The following GFPT1 variants were observed in gnomAD, a reference collection of about 807,000 sequenced individuals.
GFPT1 encodes the protein glutamine--fructose-6-phosphate transaminase 1.
GFPT1 carries 40 observed loss-of-function variants against 92.0 expected under a neutral mutation model. The ratio of observed to expected loss-of-function variants is 0.43; its 90% CI spans 0.34 to 0.57. GFPT1 has a LOEUF of 0.57. GFPT1 is among the 20% of genes least tolerant of loss of function. The pLI, the probability that GFPT1 is intolerant of heterozygous loss-of-function variation, is 0.02. For missense variants in GFPT1, 448 were observed against 869.1 expected, an observed-to-expected ratio of 0.52 and a Z score of 6.09; for synonymous variants, 269 against 280.6, an observed-to-expected ratio of 0.96 and a Z score of 0.41.
At chr2:69,336,911 G>A (rs1670813473) in intron 15 of GFPT1, among the ~76,000 whole-genome samples, 1 of 151,934 alleles carries the variant, frequency 6.6e-6, no homozygotes, top group East Asian at 1.9e-4. Context: ...CTAAATTTAT[G>A]CATATTCCAA....
chr2:69,337,458 G>A (rs1670829081), intron 15 of GFPT1, among the ~76,000 whole-genome samples: 1 of 152,074 alleles, frequency 6.6e-6, no homozygotes, highest in Admixed American at 6.6e-5. Context: ...ACCATAAATA[G>A]GTAAATAAAA....
intron 15 of GFPT1, among the ~76,000 whole-genome samples, chr2:69,331,496 A>T (rs1199740934): frequency 1.3e-5 from 2 of 152,206 alleles, no homozygotes; most frequent in Non-Finnish European, 2.9e-5. Flanking sequence ...ATTCTGTACC[A>T]TTAATGTAAT....
intron 18 of GFPT1, among the ~76,000 whole-genome samples, chr2:69,327,951 T>C (rs1233752218): frequency 6.6e-6 from 1 of 151,476 alleles, no homozygotes; most frequent in East Asian, 1.9e-4. Flanking sequence ...AATACAAAAT[T>C]AGCCAGGCGT....
intron 2 of GFPT1, 21 bp downstream of exon 2, chr2:69,373,985 A>AT (rs770686290): frequency 2.9e-6 from 3 of 1,044,044 alleles, no homozygotes; most frequent in Non-Finnish European, 4.5e-6. Context: ...TGCAAAATCC[A>AT]TAGTATTTTT....
rs1390636762 is a variant in GFPT1 at position 69,324,086 on chromosome 2, G to C, written c.*2103C>G. The stretch of plus-strand genomic sequence containing the variant: ...TCCCAAAGTGGAGGCTGGTATTACA[G>C]GCTGAGCCACTGCACCCGGCAGAGA... On this transcript the variant is annotated 3_prime_UTR_variant, in exon 20 of 20. Coordinates refer to ENST00000357308, the MANE Select transcript of GFPT1 (RefSeq NM_001244710.2). The C allele has an allele frequency of 6.6e-6, 1 of 152,220 alleles. No homozygotes were observed. Among genetic ancestry groups the C allele is most frequent in the Non-Finnish European group, 1.5e-5 (1 of 68,074 alleles). 9.4% of individuals were successfully genotyped at this position (152,220 alleles called of 1,614,324 possible).
chr2:69,370,725 G>A (rs1471089058), intron 2 of GFPT1, among the ~76,000 whole-genome samples: 2 of 152,178 alleles, frequency 1.3e-5, no homozygotes, highest in Non-Finnish European at 2.9e-5. Flanking sequence ...AATGCAGACA[G>A]AAATAAATGA....
intron 4 of GFPT1, 33 bp from the exon 5 acceptor site, chr2:69,359,359 G>A (rs1671415643): frequency 7.9e-7 from 1 of 1,269,948 alleles, no homozygotes; most frequent in Non-Finnish European, 1.2e-6. Flanking sequence ...AGACAAAAAA[G>A]TTAGAAGTAT....
At chr2:69,329,216 A>G in intron 17 of GFPT1, 81 bp downstream of exon 17, 1 of 1,364,734 alleles carries the variant, frequency 7.3e-7, no homozygotes, top group Non-Finnish European at 1.0e-6. Context: ...TACCTATTTC[A>G]TTCATTTAAT....
At position 69,386,611 on chromosome 2, in the gene GFPT1, C is replaced by A. The variant is rs1672134094; in HGVS notation, c.7+454G>T. On this transcript the variant is annotated intron_variant, in intron 1 of 19. Coordinates refer to ENST00000357308, the MANE Select transcript of GFPT1 (RefSeq NM_001244710.2). ...GGGTCTGTTTTCTATTGGGCCTCCC[C>A]AGAAACAAGTAAAATATTTTTTTAA... Among the ~76,000 whole-genome samples the A allele has an allele frequency of 3.9e-5, 6 of 152,154 alleles. 1 individual carries two copies. The South Asian group carries it at 1.2e-3, about 32-fold the overall frequency.
At chr2:69,383,355 A>G (rs752762242) in intron 1 of GFPT1, among the ~76,000 whole-genome samples, 1 of 152,172 alleles carries the variant, frequency 6.6e-6, no homozygotes, top group Non-Finnish European at 1.5e-5. Flanking sequence ...TCCAGGGGAC[A>G]ATTGAAGAAA....
intron 1 of GFPT1, among the ~76,000 whole-genome samples, chr2:69,376,007 G>T (rs1038391412): frequency 6.6e-6 from 1 of 152,190 alleles, no homozygotes; most frequent in Non-Finnish European, 1.5e-5. Flanking sequence ...TGAGTCCGGG[G>T]TTTTTGTTGC....
chr2:69,331,098 T>C (rs2104603315), intron 15 of GFPT1, among the ~76,000 whole-genome samples: 1 of 152,338 alleles, frequency 6.6e-6, no homozygotes, highest in Non-Finnish European at 1.5e-5. Flanking sequence ...TCATTCTTAC[T>C]AACTTTATGT....
At chr2:69,366,207 T>G (rs577111322) in intron 3 of GFPT1, among the ~76,000 whole-genome samples, 89 of 151,958 alleles carry the variant, frequency 5.9e-4, no homozygotes, top group Non-Finnish European at 1.1e-3. Flanking sequence ...AGATTCTATA[T>G]ATTGAATCCA....
Position 69,363,688 on chromosome 2 carries a change from A to C in GFPT1, c.224-18T>G, listed in dbSNP as rs1216421526. ...TTGTTGCTCTGAAGAATATGAAAAG[A>C]AAAATTTCAATATTAAATCATGCTG... On this transcript the variant is annotated intron_variant, in intron 3 of 19. Transcript: ENST00000357308. 35 of 1,548,060 alleles carry C rather than the reference A, an allele frequency of 2.3e-5. No individual in the cohort carries two copies. Among genetic ancestry groups the C allele is most frequent in the Non-Finnish European group, 3.1e-5 (35 of 1,120,028 alleles).
Position 69,363,623 on chromosome 2 carries a change from T to G in GFPT1, c.271A>C (p.Ile91Leu). Residue 91 changes from isoleucine to leucine, a missense_variant, in exon 4 of 20, where the codon ATA becomes CTA. Ile to Leu is a conservative substitution (Grantham distance 5, BLOSUM62 2). Transcript: ENST00000357308. ...LDIEFDVHLG[I>L]AHTRWATHGE... ...TGTGTTGCCCAACGGGTATGAGCTATTCCAAGGTGTACATCAAATTCTATA... is the reference window on the plus strand; with the variant it reads ...TGTGTTGCCCAACGGGTATGAGCTAGTCCAAGGTGTACATCAAATTCTATA... 6.2e-7 allele frequency: 1 copy of G among 1,610,034 alleles called. No homozygotes were observed.
At chr2:69,368,354 C>T (rs2104676167) in intron 3 of GFPT1, among the ~76,000 whole-genome samples, 1 of 152,254 alleles carries the variant, frequency 6.6e-6, no homozygotes, top group East Asian at 1.9e-4. Context: ...TACACTCCAG[C>T]CTGTGCAACA....
In GFPT1 at chr2:69,359,293, T is replaced by C; in HGVS notation, c.383A>G (p.Asn128Ser). The C allele has an allele frequency of 1.3e-6, 2 of 1,583,586 alleles. No individual in the cohort carries two copies. Among genetic ancestry groups the C allele is most frequent in the Non-Finnish European group, 1.7e-6 (2 of 1,153,298 alleles). ...FIVIHNGIIT[N>S]YKDLKKFLES... ...CAAAAACTTTTTCAAGTCTTTGTAGTTGGTGATGATTCCATTGTGAATAAC... is the reference window on the plus strand; with the variant it reads ...CAAAAACTTTTTCAAGTCTTTGTAGCTGGTGATGATTCCATTGTGAATAAC... Residue 128 changes from asparagine to serine, a missense_variant, in exon 5 of 20, where the codon AAC (asparagine) becomes AGC (serine). Asn to Ser is a conservative substitution (Grantham distance 46). Coordinates refer to ENST00000357308, the MANE Select transcript of GFPT1 (RefSeq NM_001244710.2).
Position 69,348,930 on chromosome 2 carries a change from C to A in GFPT1, c.846-596G>T, listed in dbSNP as rs116679071. Among the ~76,000 whole-genome samples the A allele has an allele frequency of 3.0e-3, 460 of 152,042 alleles. 6 individuals are homozygous for A. Among genetic ancestry groups the A allele is most frequent in the African/African-American group, 0.01 (435 of 41,554 alleles). On this transcript the variant is annotated intron_variant, in intron 10 of 19. Coordinates refer to ENST00000357308, the MANE Select transcript of GFPT1 (RefSeq NM_001244710.2). ...ATCTCCCCCCAAGCTTCCTCTCACT[C>A]TCTCTATTCTGGCCACACTCAAAGC...
At chr2:69,372,732 G>A (rs1032294165) in intron 2 of GFPT1, among the ~76,000 whole-genome samples, 2 of 152,164 alleles carry the variant, frequency 1.3e-5, no homozygotes, top group African/African-American at 4.8e-5. Context: ...AAACAAAGGA[G>A]TTGAGGAACT....
Sources: allele counts gnomAD v4.1 joint callset (sites outside exome capture counted in the v4.1 genomes callset), GRCh38; gene constraint gnomAD v4.1.1; transcripts MANE v1.5; gene names NCBI Gene and HGNC (gene_info 2026-07-23, HGNC 2026-07-21).